Variants in STAT3 observed in about 807,000 individuals in gnomAD.
STAT3 encodes the protein DNA-binding protein APRF.
In STAT3, 7 loss-of-function variants were observed where a neutral mutation model predicts 114.3. The ratio of observed to expected loss-of-function variants is 0.06; its 90% CI spans 0.03 to 0.11. STAT3 has a LOEUF of 0.11. Among genes scored for constraint, STAT3 ranks in the 10% least tolerant of loss-of-function variants. The pLI, the probability that STAT3 is intolerant of heterozygous loss-of-function variation, is 1.00. For synonymous variants in STAT3, 331 were observed against 354.5 expected, an observed-to-expected ratio of 0.93 and a Z score of 0.74; for missense variants, 364 against 960.9, an observed-to-expected ratio of 0.38 and a Z score of 8.21.
intron 1 of STAT3, among the ~76,000 whole-genome samples, chr17:42,365,647 T>TTG (rs1555574653): frequency 6.7e-6 from 1 of 148,166 alleles, no homozygotes; most frequent in East Asian, 2.0e-4. Flanking sequence ...AAGTTTTTTT[T>TTG]TTTTGTTTTT....
intron 14 of STAT3, among the ~76,000 whole-genome samples, chr17:42,326,906 G>A (rs1360594318): frequency 6.6e-6 from 1 of 152,130 alleles, no homozygotes; most frequent in Non-Finnish European, 1.5e-5. Flanking sequence ...GCCAAGGAAA[G>A]TGACATGCCA....
At chr17:42,384,033 G>A (rs1449617448) in intron 1 of STAT3, among the ~76,000 whole-genome samples, 2 of 152,130 alleles carry the variant, frequency 1.3e-5, no homozygotes, top group African/African-American at 4.8e-5. Flanking sequence ...AAATTAACCA[G>A]CATCAGGCAA....
intron 1 of STAT3, among the ~76,000 whole-genome samples, chr17:42,376,545 CAA>C (rs766215172): frequency 7.2e-5 from 5 of 69,092 alleles, no homozygotes; most frequent in Admixed American, 1.7e-4. Flanking sequence ...GACTCCATCT[CAA>C]AAAAAAAAAA....
At chr17:42,325,244 C>A (rs546949304) in intron 15 of STAT3, 183 bp from the exon 16 acceptor site, 5 of 600,472 alleles carry the variant, frequency 8.3e-6, no homozygotes, top group South Asian at 7.8e-5. Flanking sequence ...GAAAGAATGC[C>A]CAGCGTGGCC....
Position 42,315,421 on chromosome 17 carries a change from G to C in STAT3, c.*324C>G. 1 of 489,918 alleles carries C rather than the reference G, an allele frequency of 2.0e-6. No homozygotes were observed. Among genetic ancestry groups the C allele is most frequent in the South Asian group, 2.2e-5 (1 of 46,434 alleles). The allele number at this position is 489,918 out of a possible 1,614,324, so 30.3% of individuals were successfully genotyped here. ...ACAACAACAATAACAAAAAGCTGCT[G>C]AGAAAGGAGGGCAGGGGAACAAAAC... On this transcript the variant is annotated 3_prime_UTR_variant, in exon 24 of 24. Coordinates refer to ENST00000264657, the MANE Select transcript of STAT3 (RefSeq NM_139276.3).
In STAT3 at chr17:42,345,568, A is replaced by T. The variant is rs764338385; in HGVS notation, c.363T>A (p.Thr121=). ...EESRLLQTAA[T]AAQQGGQANH... ...TTGTCTCAGGTCTCACCTGGGCCGC[A>T]GTGGCTGCAGTCTGTAGAAGGCGTG... Residue 121 remains threonine (T), a synonymous_variant, in exon 4 of 24, where the codon ACT becomes ACA. Coordinates refer to ENST00000264657, the MANE Select transcript of STAT3 (RefSeq NM_139276.3). 3.7e-6 allele frequency: 6 copies of T among 1,604,266 alleles called. No individual in the cohort carries two copies. Among genetic ancestry groups the T allele is most frequent in the Non-Finnish European group, 4.3e-6 (5 of 1,174,564 alleles).
At chr17:42,318,288 AT>A (rs543035052) in intron 21 of STAT3, among the ~76,000 whole-genome samples, 5 of 149,578 alleles carry the variant, frequency 3.3e-5, no homozygotes, top group East Asian at 1.9e-4. Context: ...TGCCTAGCTA[AT>A]TTTTTTTTTG....
Position 42,323,108 on chromosome 17 carries a change from C to T in STAT3, c.1784G>A (p.Arg595Gln), listed in dbSNP as rs2144693706. ...IMGFISKERE[R>Q]AILSTKPPGT... The stretch of plus-strand genomic sequence containing the variant: ...TGGAGGCTTAGTGCTCAAGATGGCC[C>T]GCTCCCGCTCCTTACTGATAAAGCC... The change falls in exon 20 of 24, where the codon CGG becomes CAG. Residue 595 changes from arginine to glutamine, a missense_variant. Transcript: ENST00000264657. 6.2e-7 allele frequency: 1 copy of T among 1,614,130 alleles called. No homozygotes were observed. The highest frequency in any genetic ancestry group is 8.5e-7 in the Non-Finnish European group (1 of 1,180,022).
At chr17:42,331,358 C>G (rs1427708939) in intron 11 of STAT3, 114 bp downstream of exon 11, 1 of 1,025,276 alleles carries the variant, frequency 9.8e-7, no homozygotes, top group Non-Finnish European at 1.4e-6. Flanking sequence ...AACTTTTGTC[C>G]ACAAAATGAA....
chr17:42,351,824 T>C (rs1161628823), intron 1 of STAT3, among the ~76,000 whole-genome samples: 1 of 152,062 alleles, frequency 6.6e-6, no homozygotes, highest in Admixed American at 6.6e-5. Flanking sequence ...AGTGGTGCAA[T>C]CTCACCTCAC....
In STAT3 at chr17:42,358,591, C is replaced by A. The variant is rs1598470999; in HGVS notation, c.-23-10052G>T. Among the ~76,000 whole-genome samples, 5 of 152,314 alleles carry A rather than the reference C, an allele frequency of 3.3e-5. No homozygotes were observed. The South Asian group carries it at 1.0e-3, about 32-fold the overall frequency. ...CAGACCAAATTTGTGCATCAGATGACCTCCCCACTTGGGAACACTTCCACT... is the reference window on the plus strand; with the variant it reads ...CAGACCAAATTTGTGCATCAGATGAACTCCCCACTTGGGAACACTTCCACT... On this transcript the variant is annotated intron_variant, in intron 1 of 23. Transcript: ENST00000264657.
At chr17:42,350,068 A>G (rs1382309196) in intron 1 of STAT3, among the ~76,000 whole-genome samples, 1 of 152,140 alleles carries the variant, frequency 6.6e-6, no homozygotes, top group Non-Finnish European at 1.5e-5. Context: ...AAAAAAAAAA[A>G]AGAGAAGTTC....
At chr17:42,358,068 A>T (rs1045282746) in intron 1 of STAT3, among the ~76,000 whole-genome samples, 2 of 152,202 alleles carry the variant, frequency 1.3e-5, no homozygotes, top group Non-Finnish European at 1.5e-5. Context: ...ATCAATCTAT[A>T]AGAAAACTTG....
chr17:42,326,568 C>T (rs1184720280), intron 14 of STAT3, among the ~76,000 whole-genome samples: 1 of 151,742 alleles, frequency 6.6e-6, no homozygotes, highest in Non-Finnish European at 1.5e-5. Context: ...CCTACAATCC[C>T]AGCATTTTGG....
chr17:42,373,995 A>C (rs1598511977), intron 1 of STAT3: 1 of 152,336 alleles, frequency 6.6e-6, no homozygotes, highest in South Asian at 2.1e-4. Context: ...GATCTCCCCA[A>C]GGAGACAAGC....
At chr17:42,329,811 C>T in intron 11 of STAT3, 35 bp from the exon 12 acceptor site, 4 of 1,612,804 alleles carry the variant, frequency 2.5e-6, no homozygotes, top group Non-Finnish European at 3.4e-6. Context: ...ATAAAATAGG[C>T]TCTGTGTTTC....
intron 1 of STAT3, among the ~76,000 whole-genome samples, chr17:42,362,367 G>A (rs2083554189): frequency 6.6e-6 from 1 of 152,178 alleles, no homozygotes; most frequent in East Asian, 1.9e-4. Context: ...GAGCCAAAAT[G>A]CATAGGGGGC....
At chr17:42,383,478 T>C (rs1016437382) in intron 1 of STAT3, among the ~76,000 whole-genome samples, 3 of 151,910 alleles carry the variant, frequency 2.0e-5, no homozygotes, top group Non-Finnish European at 4.4e-5. Flanking sequence ...GCTGGGATTA[T>C]AGGCATGAGC....
At chr17:42,343,520 T>C (rs889496384) in intron 4 of STAT3, among the ~76,000 whole-genome samples, 34 of 145,830 alleles carry the variant, frequency 2.3e-4, no homozygotes, top group African/African-American at 7.5e-4. Flanking sequence ...AGTGGCGCAA[T>C]CTTGGTTCAC....
Sources: allele counts gnomAD v4.1 joint callset (sites outside exome capture counted in the v4.1 genomes callset), GRCh38; gene constraint gnomAD v4.1.1; transcripts MANE v1.5; gene names NCBI Gene and HGNC (gene_info 2026-07-23, HGNC 2026-07-21).